The following GRIN2B variants were observed in gnomAD, a reference collection of about 807,000 sequenced individuals.
The protein encoded by GRIN2B is glutamate ionotropic receptor NMDA type subunit 2B.
A neutral mutation model predicts 114.5 loss-of-function variants in GRIN2B; 5 were observed. That is an observed-to-expected ratio of 0.04 (90% CI 0.02 to 0.09). The LOEUF (loss-of-function observed/expected upper bound fraction) is 0.09, where lower values mean the gene tolerates loss of function less well. GRIN2B is among the 10% of genes least tolerant of loss of function. GRIN2B has a pLI of 1.00. For synonymous variants in GRIN2B, 787 were observed against 745.1 expected, an observed-to-expected ratio of 1.06 and a Z score of -0.92; for missense variants, 1,108 against 1,943.5, an observed-to-expected ratio of 0.57 and a Z score of 8.08.
intron 4 of GRIN2B, among the ~76,000 whole-genome samples, chr12:13,687,866 G>T (rs1950185106): frequency 6.6e-6 from 1 of 152,140 alleles, no homozygotes; most frequent in African/African-American, 2.4e-5. Flanking sequence ...CATAGTTTCA[G>T]AACTTTGTCT....
chr12:13,797,258 T>G (rs1864432342), intron 3 of GRIN2B, among the ~76,000 whole-genome samples: 1 of 152,190 alleles, frequency 6.6e-6, no homozygotes, highest in African/African-American at 2.4e-5. Context: ...GGGTCTGTTT[T>G]ATAAGGTCCC....
At chr12:13,811,773 CTGACTGG>C (rs975728670) in intron 3 of GRIN2B, among the ~76,000 whole-genome samples, 15 of 152,160 alleles carry the variant, frequency 9.9e-5, no homozygotes, top group African/African-American at 3.6e-4. Flanking sequence ...ACATACTAGC[CTGACTGG>C]AGAGTGGAGA....
intron 2 of GRIN2B, among the ~76,000 whole-genome samples, chr12:13,960,732 A>G (rs1867674164): frequency 6.6e-6 from 1 of 152,254 alleles, no homozygotes; most frequent in Non-Finnish European, 1.5e-5. Context: ...TCCTGATGTC[A>G]GGGAAGACAG....
chr12:13,595,545 G>A (rs1949060690), intron 10 of GRIN2B, among the ~76,000 whole-genome samples: 3 of 152,190 alleles, frequency 2.0e-5, no homozygotes. Flanking sequence ...AGTTGCACCA[G>A]GTAATGGTGC....
At chr12:13,915,967 G>A (rs1390599267) in intron 2 of GRIN2B, among the ~76,000 whole-genome samples, 1 of 151,918 alleles carries the variant, frequency 6.6e-6, no homozygotes, top group African/African-American at 2.4e-5. Flanking sequence ...ATCTCCCCTT[G>A]GTTCACTGTA....
At chr12:13,748,659 G>A (rs1000888451) in intron 4 of GRIN2B, among the ~76,000 whole-genome samples, 4 of 152,068 alleles carry the variant, frequency 2.6e-5, no homozygotes, top group African/African-American at 9.7e-5. Flanking sequence ...ATCAAATAAA[G>A]TTATCAGTTG....
intron 3 of GRIN2B, among the ~76,000 whole-genome samples, chr12:13,785,628 G>A (rs1864211445): frequency 6.6e-6 from 1 of 152,120 alleles, no homozygotes; most frequent in Admixed American, 6.5e-5. Flanking sequence ...ATTCTCCACT[G>A]TATCTTCATG....
chr12:13,569,868 C>T lies in GRIN2B; in HGVS notation c.2321G>A (p.Arg774His). 2 of 1,610,744 alleles carry T rather than the reference C, an allele frequency of 1.2e-6. No homozygotes were observed. Among genetic ancestry groups the T allele is most frequent in the Non-Finnish European group, 1.7e-6 (2 of 1,178,152 alleles). ...CTGCAGGATAGCAAGGTCCACCTGG[C>T]GCTTCCACCCAGAATCTTTTTGGAT... ...IAIQKDSGWKRQVDLAILQLF... is the reference protein window; with the variant it reads ...IAIQKDSGWKHQVDLAILQLF... The change falls in exon 12 of 14, where the codon CGC (arginine) becomes CAC (histidine). Residue 774 changes from arginine (R) to histidine (H), a missense_variant. Arg to His is a conservative substitution (Grantham distance 29). Around this residue, in one of 19 missense-constraint regions of GRIN2B, gnomAD observed 35 missense variants for 194.7 expected, o/e 0.18. Coordinates refer to ENST00000609686, the MANE Select transcript of GRIN2B (RefSeq NM_000834.5).
intron 2 of GRIN2B, among the ~76,000 whole-genome samples, chr12:13,895,848 G>A (rs577906129): frequency 6.6e-6 from 1 of 152,244 alleles, no homozygotes; most frequent in South Asian, 2.1e-4. Context: ...TGAGGTGTGT[G>A]TTGGCTCTTT....
chr12:13,804,582 G>A (rs1864570192), intron 3 of GRIN2B, among the ~76,000 whole-genome samples: 1 of 151,986 alleles, frequency 6.6e-6, no homozygotes, highest in Non-Finnish European at 1.5e-5. Flanking sequence ...AGTGCCCAAG[G>A]GAACCTGTAG....
At position 13,542,233 on chromosome 12, in the gene GRIN2B, A is replaced by G. The variant is rs1253279316; in HGVS notation, c.*20550T>C. 1.3e-5 allele frequency: 2 copies of G among 151,332 alleles called. No homozygotes were observed. The highest frequency in any genetic ancestry group is 2.9e-5 in the Non-Finnish European group (2 of 68,008). The allele number at this position is 151,332 out of a possible 1,614,324, so 9.4% of individuals were successfully genotyped here. A position where few individuals can be genotyped will look rare whatever the true frequency, so the allele number is the denominator to read the frequency against. ...TGGGCAGAAGCAAAGTTGCTTTCCA[A>G]TCCTTTTTATTTGATTTTTTTTTTA... On this transcript the variant is annotated 3_prime_UTR_variant, in exon 14 of 14. Coordinates refer to ENST00000609686, the MANE Select transcript of GRIN2B (RefSeq NM_000834.5).
chr12:13,828,926 C>G (rs1431945377), intron 3 of GRIN2B, among the ~76,000 whole-genome samples: 1 of 152,170 alleles, frequency 6.6e-6, no homozygotes, highest in Non-Finnish European at 1.5e-5. Context: ...TATACATTAT[C>G]TGGTGCCTGT....
chr12:13,713,576 C>T (rs920425136), intron 4 of GRIN2B, among the ~76,000 whole-genome samples: 3 of 151,934 alleles, frequency 2.0e-5, no homozygotes, highest in East Asian at 3.9e-4. Flanking sequence ...GTTGGTAAGA[C>T]GTTCTTAATA....
At chr12:13,709,079 T>A (rs142819577) in intron 4 of GRIN2B, among the ~76,000 whole-genome samples, 1 of 152,146 alleles carries the variant, frequency 6.6e-6, no homozygotes, top group East Asian at 1.9e-4. Flanking sequence ...CATGCCAATT[T>A]TTTTCTCCTA....
intron 2 of GRIN2B, among the ~76,000 whole-genome samples, chr12:13,905,072 T>C (rs1479577767): frequency 6.6e-6 from 1 of 152,182 alleles, no homozygotes; most frequent in Non-Finnish European, 1.5e-5. Context: ...TGAGGCCATG[T>C]TTTTAAGTAT....
At chr12:13,898,278 G>A (rs1866385481) in intron 2 of GRIN2B, among the ~76,000 whole-genome samples, 1 of 152,050 alleles carries the variant, frequency 6.6e-6, no homozygotes, top group South Asian at 2.1e-4. Context: ...ATAGAACTAG[G>A]GAAATAATAA....
intron 3 of GRIN2B, among the ~76,000 whole-genome samples, chr12:13,861,881 A>C (rs541621574): frequency 6.6e-6 from 1 of 152,324 alleles, no homozygotes; most frequent in East Asian, 1.9e-4. Context: ...CATGGCCTTC[A>C]GCTTCACCTG....
intron 2 of GRIN2B, among the ~76,000 whole-genome samples, chr12:13,937,337 G>A (rs1023158367): frequency 1.3e-5 from 2 of 151,904 alleles, no homozygotes; most frequent in Non-Finnish European, 2.9e-5. Context: ...GATAAATAAA[G>A]GGAATCAAAC....
In GRIN2B at chr12:13,564,965, T is replaced by C. The variant is rs1189621720; in HGVS notation, c.2599-326A>G. 6.6e-6 allele frequency among the ~76,000 whole-genome samples: 1 copy of C among 152,200 alleles called. No individual in the cohort carries two copies. Among genetic ancestry groups the C allele is most frequent in the Admixed American group, 6.5e-5 (1 of 15,292 alleles). On this transcript the variant is annotated intron_variant, in intron 13 of 13. Coordinates refer to ENST00000609686, the MANE Select transcript of GRIN2B (RefSeq NM_000834.5). The surrounding 1 kb of genome is among the most constrained non-coding windows in gnomAD (Gnocchi z 4.8). ...ACTGTTGACTTACCGTGGTTTTCTA[T>C]GCCTAGATTTTCACATCTTAAAAAT...
Sources: allele counts gnomAD v4.1 joint callset (sites outside exome capture counted in the v4.1 genomes callset), GRCh38; gene constraint gnomAD v4.1.1; regional missense constraint gnomAD v4.1.1; non-coding constraint Gnocchi (gnomAD v3.1); transcripts MANE v1.5; gene names NCBI Gene and HGNC (gene_info 2026-07-23, HGNC 2026-07-21).